Variants in MYCT1 observed in about 807,000 individuals in gnomAD.
The protein encoded by MYCT1 is myc target protein 1.
Under a neutral mutation model 15.0 loss-of-function variants are expected in MYCT1, and 12 were observed. The observed-to-expected ratio is 0.80, with a 90% CI of 0.51 to 1.29. The LOEUF (loss-of-function observed/expected upper bound fraction) is 1.29, where lower values mean the gene tolerates loss of function less well. Ranked by LOEUF, MYCT1 falls within the 50% of genes most tolerant of loss-of-function variation. The pLI is 0.00. For missense variants in MYCT1, 287 were observed against 279.1 expected, an observed-to-expected ratio of 1.03 and a Z score of -0.20; for synonymous variants, 104 against 102.7, an observed-to-expected ratio of 1.01 and a Z score of -0.07.
In MYCT1 at chr6:152,721,925, G is replaced by A. The variant is rs201917444; in HGVS notation, c.380G>A (p.Arg127His). The A allele has an allele frequency of 9.9e-5, 160 of 1,614,020 alleles. No individual in the cohort carries two copies. Among genetic ancestry groups the A allele is most frequent in the South Asian group, 8.8e-5 (8 of 91,070 alleles). Residue 127 changes from arginine (R) to histidine (H), a missense_variant, in exon 2 of 2, where the codon CGC becomes CAC. Transcript: ENST00000367245. ...THGLNRTGFY[R>H]HSGCERRSNL... ...GGCCTCAACAGAACTGGATTTTACCGCCACAGTGGCTGTGAACGTCGAAGC... is the reference window on the plus strand; with the variant it reads ...GGCCTCAACAGAACTGGATTTTACCACCACAGTGGCTGTGAACGTCGAAGC...
chr6:152,720,299 T>G lies in MYCT1; in HGVS notation c.197-1443T>G, dbSNP rs115014330. Among the ~76,000 whole-genome samples, 1,427 of 152,148 alleles carry G rather than the reference T, an allele frequency of 9.4e-3. 24 individuals carry two copies. Among genetic ancestry groups the G allele is most frequent in the African/African-American group, 0.029 (1,196 of 41,518 alleles). ...AGCCTCTTGTAGCTTAGGCTTGAAC[T>G]TGTATAGCTTCAATTCCATTGCATC... On this transcript the variant is annotated intron_variant, in intron 1 of 1. Transcript: ENST00000367245.
At chr6:152,739,319 G>T in the MYCT1 span, among the ~76,000 whole-genome samples, 1 of 151,392 alleles carries the variant, frequency 6.6e-6, no homozygotes, top group East Asian at 1.9e-4. Context: ...ACAATTAAAA[G>T]TAAAACTATT....
In MYCT1 at chr6:152,705,995, G is replaced by A. The variant is rs140659910; in HGVS notation, c.196+7897G>A. 857 of 822,338 alleles carry A rather than the reference G, an allele frequency of 1.0e-3. 22 individuals are homozygous for A. In the East Asian group the frequency reaches 0.021, roughly 20 times the overall value. 50.9% of individuals were successfully genotyped at this position (822,338 alleles called of 1,614,324 possible). A position where few individuals can be genotyped will look rare whatever the true frequency, so the allele number is the denominator to read the frequency against. On this transcript the variant is annotated intron_variant, in intron 1 of 1. Transcript: ENST00000367245. Reference sequence around the variant, plus strand: ...CAAAGATTGTGAGAGCTGCTTTATCGGATGCTGCTGGTGTGGCCTCTCCAT... The same window carrying A: ...CAAAGATTGTGAGAGCTGCTTTATCAGATGCTGCTGGTGTGGCCTCTCCAT...
intron 1 of MYCT1, among the ~76,000 whole-genome samples, chr6:152,701,258 G>A (rs934665160): frequency 7.9e-5 from 12 of 152,290 alleles, no homozygotes; most frequent in Admixed American, 5.2e-4. Context: ...ATTAGGCAAT[G>A]TGTTAGGAGT....
Position 152,722,454 on chromosome 6 carries a change from A to C in MYCT1, c.*201A>C. ...TTTCCCTTTTGTTTCAAAAAATGTA[A>C]TATTTTCCCCCAAGCGTTTTATATT... On this transcript the variant is annotated 3_prime_UTR_variant, in exon 2 of 2. Coordinates refer to ENST00000367245, the MANE Select transcript of MYCT1 (RefSeq NM_025107.3). 3.7e-6 allele frequency: 2 copies of C among 547,250 alleles called. No individual in the cohort carries two copies. The highest frequency in any genetic ancestry group is 6.2e-6 in the Non-Finnish European group (2 of 321,070). 33.9% of individuals were successfully genotyped at this position (547,250 alleles called of 1,614,324 possible). A position where few individuals can be genotyped will look rare whatever the true frequency, so the allele number is the denominator to read the frequency against.
rs201800680 is a variant in MYCT1, at chr6:152,721,828, C to A, written c.283C>A (p.Arg95=). 1 of 1,613,960 alleles carries A rather than the reference C, an allele frequency of 6.2e-7. No homozygotes were observed. Among genetic ancestry groups the A allele is most frequent in the East Asian group, 2.2e-5 (1 of 44,870 alleles). ...TTGGGCTGTGTTCATTTGTCTGTCT[C>A]GAAGAAGAAGAGCCAGTGCTCCCAT... ...FIWAVFICLS[R]RRRASAPISQ... is the part of the protein sequence containing the mutation. The change falls in exon 2 of 2, where the codon CGA becomes AGA. Residue 95 remains arginine, a synonymous_variant. Coordinates refer to ENST00000367245, the MANE Select transcript of MYCT1 (RefSeq NM_025107.3).
At chr6:152,700,771 G>C (rs751322579) in intron 1 of MYCT1, among the ~76,000 whole-genome samples, 26 of 152,144 alleles carry the variant, frequency 1.7e-4, no homozygotes, top group Non-Finnish European at 3.2e-4. Flanking sequence ...CAGTACTTGA[G>C]AGTCCTGTAG....
At position 152,722,475 on chromosome 6, in the gene MYCT1, A is replaced by G. The variant is rs187155534; in HGVS notation, c.*222A>G. 398 of 494,408 alleles carry G rather than the reference A, an allele frequency of 8.1e-4. 2 individuals carry two copies. Among genetic ancestry groups the G allele is most frequent in the East Asian group, 7.2e-3 (211 of 29,234 alleles). 30.6% of individuals were successfully genotyped at this position (494,408 alleles called of 1,614,324 possible). A position where few individuals can be genotyped will look rare whatever the true frequency, so the allele number is the denominator to read the frequency against. ...TGTAATATTTTCCCCCAAGCGTTTT[A>G]TATTTATGTATTTTGTATTCAATGT... On this transcript the variant is annotated 3_prime_UTR_variant, in exon 2 of 2. Transcript: ENST00000367245.
rs891352557 is a variant in MYCT1 at position 152,722,663 on chromosome 6, A to G, written c.*410A>G. The G allele has an allele frequency of 3.5e-5, 9 of 260,118 alleles. No homozygotes were observed. The highest frequency in any genetic ancestry group is 7.3e-5 in the South Asian group (2 of 27,520). The allele number at this position is 260,118 out of a possible 1,614,324, so 16.1% of individuals were successfully genotyped here. ...AATCACTGTGTCACTTTAAAGAAAA[A>G]TCTTCTAAGGGATTTGGATTTTACT... On this transcript the variant is annotated 3_prime_UTR_variant, in exon 2 of 2. Transcript: ENST00000367245.
chr6:152,726,643 AT>A (rs1037119420), downstream of MYCT1, among the ~76,000 whole-genome samples: 4 of 151,812 alleles, frequency 2.6e-5, no homozygotes, highest in African/African-American at 4.8e-5. Context: ...GTCCTTTTTT[AT>A]TTTTTTCGTT....
intron 1 of MYCT1, among the ~76,000 whole-genome samples, chr6:152,713,843 G>A (rs1047068202): frequency 2.6e-5 from 4 of 151,964 alleles, no homozygotes; most frequent in African/African-American, 7.2e-5. Flanking sequence ...GCAGGTTTTC[G>A]ACTGTAGCTT....
chr6:152,707,827 G>C (rs901305990), intron 1 of MYCT1, among the ~76,000 whole-genome samples: 1 of 151,906 alleles, frequency 6.6e-6, no homozygotes, highest in Non-Finnish European at 1.5e-5. Context: ...TTATTACTGG[G>C]CTTCCTCCCT....
At chr6:152,742,031 C>A in the MYCT1 span, among the ~76,000 whole-genome samples, 2 of 152,146 alleles carry the variant, frequency 1.3e-5, no homozygotes, top group Non-Finnish European at 1.5e-5. Flanking sequence ...GAAATAAGTA[C>A]AATTTCAATC....
chr6:152,720,189 GTC>G (rs1043318532), intron 1 of MYCT1, among the ~76,000 whole-genome samples: 3 of 151,686 alleles, frequency 2.0e-5, no homozygotes, highest in Admixed American at 6.6e-5. Flanking sequence ...TGGGCCATGT[GTC>G]TCTCATCATC....
chr6:152,746,855 T>C, the MYCT1 span, among the ~76,000 whole-genome samples: 1 of 152,214 alleles, frequency 6.6e-6, no homozygotes, highest in East Asian at 1.9e-4. Context: ...TAATTTTCTC[T>C]AAACTCAGCA....
At position 152,723,720 on chromosome 6, in the gene MYCT1, G is replaced by A. The variant is rs1314279094; in HGVS notation, c.*1467G>A. ...TAAGGAAGAATGCATCCCTAAATGT[G>A]GCCACCAGAGAGTTCCAGTGGGCAG... On this transcript the variant is annotated 3_prime_UTR_variant, in exon 2 of 2. Transcript: ENST00000367245. 6.6e-6 allele frequency: 1 copy of A among 152,150 alleles called. No individual in the cohort carries two copies. Among genetic ancestry groups the A allele is most frequent in the East Asian group, 1.9e-4 (1 of 5,194 alleles). 9.4% of individuals were successfully genotyped at this position (152,150 alleles called of 1,614,324 possible). A position where few individuals can be genotyped will look rare whatever the true frequency, so the allele number is the denominator to read the frequency against.
At chr6:152,704,878 G>A (rs531582296) in intron 1 of MYCT1, among the ~76,000 whole-genome samples, 3 of 152,112 alleles carry the variant, frequency 2.0e-5, no homozygotes, top group Admixed American at 2.0e-4. Flanking sequence ...GAACATCTAA[G>A]ACCTACTTTT....
At chr6:152,730,055 G>A in the MYCT1 span, among the ~76,000 whole-genome samples, 4 of 152,168 alleles carry the variant, frequency 2.6e-5, no homozygotes, top group African/African-American at 7.2e-5. Flanking sequence ...AATGTAACCA[G>A]GCAGCTTAAC....
chr6:152,738,612 G>A, the MYCT1 span, among the ~76,000 whole-genome samples: 3 of 151,952 alleles, frequency 2.0e-5, no homozygotes, highest in Non-Finnish European at 2.9e-5. Flanking sequence ...AATATGGAGC[G>A]AATAATGCTT....
Sources: allele counts gnomAD v4.1 joint callset (sites outside exome capture counted in the v4.1 genomes callset), GRCh38; gene constraint gnomAD v4.1.1; transcripts MANE v1.5; gene names NCBI Gene and HGNC (gene_info 2026-07-23, HGNC 2026-07-21).